Variants in GLDC observed in about 807,000 individuals in gnomAD.
GLDC encodes the protein glycine dehydrogenase (decarboxylating), mitochondrial.
GLDC carries 104 observed loss-of-function variants against 121.3 expected under a neutral mutation model. That is an observed-to-expected ratio of 0.86 (90% confidence interval 0.73 to 1.01). The LOEUF is 1.01. Among genes scored for constraint, GLDC ranks in the 50% least tolerant of loss-of-function variants. The pLI, the probability that GLDC is intolerant of heterozygous loss-of-function variation, is 0.00. For missense variants in GLDC, 1,429 were observed against 1,306.6 expected (o/e 1.09, Z -1.44); for synonymous variants, 546 against 480.6 (o/e 1.14, Z -1.78).
intron 22 of GLDC, among the ~76,000 whole-genome samples, chr9:6,538,806 A>G (rs573129546): frequency 6.6e-6 from 1 of 152,334 alleles, no homozygotes; most frequent in African/African-American, 2.4e-5. Context: ...TGAGTCGGCC[A>G]TTACCCAATC....
Position 6,562,638 on chromosome 9 carries a change from C to T in GLDC, c.1926+2716G>A, listed in dbSNP as rs151219067. 2.9e-3 allele frequency among the ~76,000 whole-genome samples: 444 copies of T among 152,292 alleles called. 3 individuals are homozygous for T. The highest frequency in any genetic ancestry group is 9.9e-3 in the African/African-American group (411 of 41,566). On this transcript the variant is annotated intron_variant, in intron 16 of 24. Coordinates refer to ENST00000321612, the MANE Select transcript of GLDC (RefSeq NM_000170.3). ...GCAGTGGTGCGATCTCAGCTCACTG[C>T]AACCTCTGCCTCCTGGATTCAAGTG...
At chr9:6,622,810 G>A (rs1255914389) in intron 2 of GLDC, 7 of 220,448 alleles carry the variant, frequency 3.2e-5, no homozygotes, top group Admixed American at 2.3e-4. Context: ...CGCCTCTTCC[G>A]GGCCGCCATC....
At chr9:6,597,286 A>C (rs749909809) in intron 8 of GLDC, among the ~76,000 whole-genome samples, 6 of 152,220 alleles carry the variant, frequency 3.9e-5, no homozygotes, top group Non-Finnish European at 8.8e-5. Flanking sequence ...AAATATTCTG[A>C]AATTAAATAC....
intron 2 of GLDC, among the ~76,000 whole-genome samples, chr9:6,629,647 C>T (rs1251194463): frequency 6.6e-6 from 1 of 151,638 alleles, no homozygotes; most frequent in Non-Finnish European, 1.5e-5. Flanking sequence ...TGTTTCCCAT[C>T]CTTAACCCAT....
chr9:6,595,856 G>A lies in GLDC; in HGVS notation c.1156-737C>T, dbSNP rs185493275. Among the ~76,000 whole-genome samples, 5 of 152,260 alleles carry A rather than the reference G, an allele frequency of 3.3e-5. No individual in the cohort carries two copies. In the East Asian group the frequency reaches 9.6e-4, roughly 29 times the overall value. ...CAAAATACAGTTGATGTTCAATACT[G>A]GGTCCATTTTGTTAGGTACATCTTT... On this transcript the variant is annotated intron_variant, in intron 8 of 24. Transcript: ENST00000321612.
intron 22 of GLDC, among the ~76,000 whole-genome samples, chr9:6,538,921 T>C (rs1195595707): frequency 6.6e-6 from 1 of 152,192 alleles, no homozygotes; most frequent in Non-Finnish European, 1.5e-5. Flanking sequence ...AATGAAGCCT[T>C]TCTCTGGCTT....
At chr9:6,639,341 G>A (rs1819578386) in intron 2 of GLDC, 2 of 941,308 alleles carry the variant, frequency 2.1e-6, no homozygotes, top group East Asian at 2.4e-5. Context: ...AGCGCCCCCA[G>A]GAGAAACAAG....
chr9:6,586,005 A>C (rs1818263797), intron 15 of GLDC, among the ~76,000 whole-genome samples: 1 of 152,108 alleles, frequency 6.6e-6, no homozygotes, highest in African/African-American at 2.4e-5. Context: ...CTTAAAAATA[A>C]AGATTCTAGG....
intron 11 of GLDC, among the ~76,000 whole-genome samples, chr9:6,589,842 G>T (rs1368122938): frequency 6.6e-6 from 1 of 152,198 alleles, no homozygotes; most frequent in Non-Finnish European, 1.5e-5. Context: ...GGATCACAAG[G>T]TCAGGAGATC....
intron 2 of GLDC, among the ~76,000 whole-genome samples, chr9:6,621,242 T>A (rs1819087013): frequency 6.6e-6 from 1 of 152,192 alleles, no homozygotes; most frequent in African/African-American, 2.4e-5. Flanking sequence ...GCACTTTGGT[T>A]ATTAAGAAGT....
chr9:6,644,626 C>G lies in GLDC; in HGVS notation c.322G>C (p.Glu108Gln). 6.2e-7 allele frequency: 1 copy of G among 1,610,728 alleles called. No homozygotes were observed. Among genetic ancestry groups the G allele is most frequent in the Non-Finnish European group, 8.5e-7 (1 of 1,176,890 alleles). The change falls in exon 2 of 25, where the codon GAA becomes CAA. Residue 108 changes from glutamate to glutamine, a missense_variant. By Grantham distance (29) the Glu-to-Gln change is conservative (BLOSUM62 2). Coordinates refer to ENST00000321612, the MANE Select transcript of GLDC (RefSeq NM_000170.3). ...CCCGGCCACTTACAAACAGGGTCTT[C>G]CATTTTCAAGGGTCTTTTCAAACGG... ...NIRLKRPLKM[E>Q]DPVCENEILA...
Position 6,639,545 on chromosome 9 carries a change from G to T in GLDC, c.334+5069C>A. ...TGATTCGGCCTGATGGAGAGAAGAA[G>T]GTATATGTTCGACTGGCTCCTGATT... On this transcript the variant is annotated intron_variant, in intron 2 of 24. Transcript: ENST00000321612. 2.5e-6 allele frequency: 2 copies of T among 785,066 alleles called. 1 individual carries two copies. The highest frequency in any genetic ancestry group is 7.0e-4 in the Middle Eastern group (2 of 2,860). The allele number at this position is 785,066 out of a possible 1,614,324, so 48.6% of individuals were successfully genotyped here.
chr9:6,551,037 G>A, intron 20 of GLDC, 123 bp from the exon 21 acceptor site: 1 of 760,308 alleles, frequency 1.3e-6, no homozygotes, highest in East Asian at 2.4e-5. Context: ...CCATGACTCT[G>A]GAGTAAAGAT....
intron 1 of GLDC, among the ~76,000 whole-genome samples, chr9:6,644,996 G>A (rs1446246000): frequency 6.6e-6 from 1 of 152,018 alleles, no homozygotes; most frequent in Admixed American, 6.5e-5. Flanking sequence ...GGGCCACTTG[G>A]GCTGGGGGTG....
intron 24 of GLDC, 37 bp downstream of exon 24, chr9:6,534,671 C>A (rs1010169824): frequency 3.6e-6 from 4 of 1,114,914 alleles, no homozygotes; most frequent in African/African-American, 3.1e-5. Flanking sequence ...CTGGCCCATG[C>A]CTTCCCAGCT....
chr9:6,542,085 CA>C (rs1817279194), intron 21 of GLDC: 1 of 152,050 alleles, frequency 6.6e-6, no homozygotes, highest in Non-Finnish European at 1.5e-5. Context: ...ACTAAAAATA[CA>C]AAAATTAGCT....
intron 2 of GLDC, among the ~76,000 whole-genome samples, chr9:6,628,755 C>T (rs1188200447): frequency 2.6e-5 from 4 of 152,170 alleles, no homozygotes; most frequent in Non-Finnish European, 2.9e-5. Context: ...AAAAGAAACA[C>T]TTGGAGACAA....
Position 6,558,050 on chromosome 9 carries a change from A to C in GLDC, c.2052+509T>G, listed in dbSNP as rs575050190. On this transcript the variant is annotated intron_variant, in intron 17 of 24. Coordinates refer to ENST00000321612, the MANE Select transcript of GLDC (RefSeq NM_000170.3). ...CCTTCCCGCTTAAGATGCAGCTGCC[A>C]GTCCGCTGGTGGGAAGCAGATACGG... 4 of 216,672 alleles carry C rather than the reference A, an allele frequency of 1.8e-5. No individual in the cohort carries two copies. The South Asian group carries it at 3.7e-4, about 20-fold the overall frequency. 13.4% of individuals were successfully genotyped at this position (216,672 alleles called of 1,614,324 possible).
Position 6,550,895 on chromosome 9 carries a change from AGACCCTT to A in GLDC, c.2470_2476del (p.Lys824LeufsTer10), listed in dbSNP as rs1817499166. ...TATCGCAGTTTCCGTGGCTTGTTTA[AGACCCTT>A]GCCTCCCATCATCTGCAACAAAGGG... On this transcript the variant is annotated frameshift_variant, in exon 21 of 25. Transcript: ENST00000321612. LOFTEE classifies it high-confidence loss of function. 6.2e-7 allele frequency: 1 copy of A among 1,611,528 alleles called. No homozygotes were observed. The highest frequency in any genetic ancestry group is 8.5e-7 in the Non-Finnish European group (1 of 1,177,784).
Sources: allele counts gnomAD v4.1 joint callset (sites outside exome capture counted in the v4.1 genomes callset), GRCh38; gene constraint gnomAD v4.1.1; transcripts MANE v1.5; gene names NCBI Gene and HGNC (gene_info 2026-07-23, HGNC 2026-07-21).